Variants in CILK1 observed in about 807,000 individuals in gnomAD.
The protein encoded by CILK1 is ciliogenesis associated kinase 1, also known as serine/threonine-protein kinase ICK.
A neutral mutation model predicts 79.2 loss-of-function variants in CILK1; 47 were observed. The observed-to-expected ratio is 0.59, with a 90% CI of 0.47 to 0.76. The LOEUF is 0.76. Ranked by LOEUF, CILK1 falls within the 30% of genes least tolerant of loss-of-function variation. The pLI is 0.00. For synonymous variants in CILK1, 266 were observed against 275.9 expected (o/e 0.96, Z 0.36); for missense variants, 660 against 769.5 (o/e 0.86, Z 1.68).
chr6:53,038,282 A>G (rs1766484775), intron 2 of CILK1, among the ~76,000 whole-genome samples: 1 of 152,214 alleles, frequency 6.6e-6, no homozygotes, highest in Non-Finnish European at 1.5e-5. Flanking sequence ...GAAATTGCTC[A>G]GGCTTATTCT....
intron 5 of CILK1, among the ~76,000 whole-genome samples, chr6:53,030,432 T>G (rs160631): frequency 0.69 from 105,093 of 152,014 alleles, 37,110 homozygotes; most frequent in East Asian, 0.87. Flanking sequence ...TTTACCTATG[T>G]GTGTTGTAAC....
intron 5 of CILK1, among the ~76,000 whole-genome samples, chr6:53,027,287 G>A (rs1765637551): frequency 6.6e-6 from 1 of 152,184 alleles, no homozygotes; most frequent in Non-Finnish European, 1.5e-5. Flanking sequence ...TCTATTTCTG[G>A]CACGGATAAG....
intron 5 of CILK1, among the ~76,000 whole-genome samples, chr6:53,026,009 A>C (rs901893103): frequency 2.6e-5 from 4 of 152,214 alleles, no homozygotes; most frequent in Non-Finnish European, 5.9e-5. Flanking sequence ...CTGATTTCAA[A>C]TCATAATTCT....
At chr6:53,043,208 C>T (rs377575751) in intron 1 of CILK1, among the ~76,000 whole-genome samples, 2 of 151,636 alleles carry the variant, frequency 1.3e-5, no homozygotes, top group Non-Finnish European at 2.9e-5. Flanking sequence ...CCCAACTACT[C>T]GGGAGGCTGG....
At chr6:53,055,976 G>T (rs1451857801) in intron 1 of CILK1, among the ~76,000 whole-genome samples, 1 of 152,206 alleles carries the variant, frequency 6.6e-6, no homozygotes, top group Non-Finnish European at 1.5e-5. Flanking sequence ...TGCCGAGGGT[G>T]GCAATAGTCC....
rs1317608224 is a variant in CILK1 at position 53,011,839 on chromosome 6, C to T, written c.1422G>A (p.Gln474=). 1.2e-6 allele frequency: 2 copies of T among 1,614,142 alleles called. No individual in the cohort carries two copies. Among genetic ancestry groups the T allele is most frequent in the Admixed American group, 1.7e-5 (1 of 60,018 alleles). ...GNSAPTQTSY[Q]RRDTPTLRSA... ...ATCTCAGGGTGGGCGTGTCTCGCCG[C>T]TGATATGACGTCTGGGTGGGGGCAC... The change falls in exon 11 of 14, where the codon CAG becomes CAA. Residue 474 remains glutamine, a synonymous_variant. Coordinates refer to ENST00000676107, the MANE Select transcript of CILK1 (RefSeq NM_014920.5).
chr6:53,042,336 C>T (rs1391674834), intron 1 of CILK1, among the ~76,000 whole-genome samples: 1 of 152,202 alleles, frequency 6.6e-6, no homozygotes, highest in Non-Finnish European at 1.5e-5. Flanking sequence ...TGAGAGATAA[C>T]TGTGGTCGAT....
intron 2 of CILK1, among the ~76,000 whole-genome samples, chr6:53,038,963 G>T (rs1161178560): frequency 6.6e-6 from 1 of 152,234 alleles, no homozygotes; most frequent in Non-Finnish European, 1.5e-5. Flanking sequence ...GCAGTCCTGT[G>T]AAACAGATAG....
chr6:53,022,624 T>C (rs1429451850), intron 5 of CILK1, among the ~76,000 whole-genome samples: 1 of 152,248 alleles, frequency 6.6e-6, no homozygotes, highest in East Asian at 1.9e-4. Context: ...AAGTGATATG[T>C]AACTGTACTT....
At chr6:53,017,426 A>G (rs956686304) in intron 7 of CILK1, among the ~76,000 whole-genome samples, 6 of 152,222 alleles carry the variant, frequency 3.9e-5, no homozygotes, top group African/African-American at 1.4e-4. Context: ...GATATCACTC[A>G]GGCAGAGGGT....
At chr6:53,056,095 A>T (rs1401460632) in intron 1 of CILK1, among the ~76,000 whole-genome samples, 2 of 152,218 alleles carry the variant, frequency 1.3e-5, no homozygotes, top group Non-Finnish European at 2.9e-5. Flanking sequence ...GATACTGGCA[A>T]ATAAGTAGCT....
At chr6:53,058,495 A>G (rs1690976595) in intron 1 of CILK1, among the ~76,000 whole-genome samples, 2 of 152,134 alleles carry the variant, frequency 1.3e-5, no homozygotes, top group Admixed American at 1.3e-4. Flanking sequence ...CACAACCACA[A>G]ACTAAGACAC....
At chr6:53,060,372 T>C (rs1003595859) in intron 1 of CILK1, among the ~76,000 whole-genome samples, 2 of 152,140 alleles carry the variant, frequency 1.3e-5, no homozygotes, top group Non-Finnish European at 2.9e-5. Flanking sequence ...CATCTGAACC[T>C]AGATTGGTTT....
At chr6:53,039,947 G>T (rs1431315548) in intron 2 of CILK1, among the ~76,000 whole-genome samples, 1 of 152,108 alleles carries the variant, frequency 6.6e-6, no homozygotes, top group Non-Finnish European at 1.5e-5. Context: ...ATGACTAAAG[G>T]TGAGGCATAA....
At chr6:53,014,063 T>C (rs1007016214) in intron 8 of CILK1, 81 bp from the exon 9 acceptor site, 2 of 1,109,424 alleles carry the variant, frequency 1.8e-6, no homozygotes, top group Admixed American at 3.8e-5. Context: ...TATATTTCAT[T>C]GTGACCAGTT....
At position 53,021,305 on chromosome 6, in the gene CILK1, A is replaced by G. The variant is rs1765223570; in HGVS notation, c.359-1946T>C. On this transcript the variant is annotated intron_variant, in intron 5 of 13. Transcript: ENST00000676107. ...ACACCACTGCACTCCAGCCCAGGCA[A>G]CAAAGCAAGACTTCGTTTTGGAGCG... 2.6e-5 allele frequency among the ~76,000 whole-genome samples: 4 copies of G among 151,046 alleles called. No individual in the cohort carries two copies. In the South Asian group the frequency reaches 8.5e-4, roughly 32 times the overall value.
intron 12 of CILK1, among the ~76,000 whole-genome samples, chr6:53,008,336 C>T (rs756895475): frequency 6.6e-6 from 1 of 151,948 alleles, no homozygotes; most frequent in East Asian, 1.9e-4. Flanking sequence ...TAAATAAACA[C>T]TCGATCAGGC....
At chr6:53,014,857 T>C (rs1435453025) in intron 8 of CILK1, among the ~76,000 whole-genome samples, 1 of 152,242 alleles carries the variant, frequency 6.6e-6, no homozygotes, top group African/African-American at 2.4e-5. Context: ...CATTCCTCTC[T>C]TGCTTCCTTG....
intron 1 of CILK1, among the ~76,000 whole-genome samples, chr6:53,050,006 C>A (rs1437358016): frequency 1.3e-5 from 2 of 152,134 alleles, no homozygotes; most frequent in East Asian, 3.9e-4. Flanking sequence ...CAGGTGGGAG[C>A]CCCTGTGCCC....
Sources: gnomAD v4.1 joint callset for allele counts (sites outside exome capture counted in the v4.1 genomes callset) on GRCh38, gnomAD v4.1.1 for gene constraint, MANE v1.5 for transcripts, NCBI Gene and HGNC (gene_info 2026-07-23, HGNC 2026-07-21) for gene names.